The following CELF2 variants were observed in gnomAD, a reference collection of about 807,000 sequenced individuals.
CELF2 encodes CUGBP Elav-like family member 2.
In CELF2, 8 loss-of-function variants were observed where a neutral mutation model predicts 62.6. That is an observed-to-expected ratio of 0.13 (90% CI 0.07 to 0.23). CELF2 has a LOEUF of 0.23. Ranked by LOEUF, CELF2 falls within the 10% of genes least tolerant of loss-of-function variation. The probability of loss-of-function intolerance (pLI) is 1.00; values close to 1 mark genes in which losing one functional copy is unlikely to be tolerated. For missense variants in CELF2, 333 were observed against 671.0 expected, an observed-to-expected ratio of 0.50 and a Z score of 5.56; for synonymous variants, 258 against 250.0, an observed-to-expected ratio of 1.03 and a Z score of -0.30.
the CELF2 span, among the ~76,000 whole-genome samples, chr10:10,528,574 G>T: frequency 1.1e-4 from 17 of 152,176 alleles, no homozygotes; most frequent in Admixed American, 8.5e-4. Flanking sequence ...TGCCTGTAGT[G>T]CTGGCCTGCC....
At chr10:10,918,689 G>A (rs1197923012) in intron 1 of CELF2, among the ~76,000 whole-genome samples, 1 of 152,184 alleles carries the variant, frequency 6.6e-6, no homozygotes, top group African/African-American at 2.4e-5. Flanking sequence ...AACCAGGATT[G>A]ACACATTGGA....
At chr10:10,541,677 A>G in the CELF2 span, among the ~76,000 whole-genome samples, 5 of 152,196 alleles carry the variant, frequency 3.3e-5, no homozygotes, top group Non-Finnish European at 5.9e-5. Flanking sequence ...ATGCTAATGC[A>G]TTATAATTAG....
At chr10:10,567,153 T>G in the CELF2 span, among the ~76,000 whole-genome samples, 1 of 152,252 alleles carries the variant, frequency 6.6e-6, no homozygotes, top group South Asian at 2.1e-4. Context: ...ACAAATAGAT[T>G]CAGTGACTAA....
intron 2 of CELF2, among the ~76,000 whole-genome samples, chr10:11,199,877 G>T (rs1333003226): frequency 6.6e-6 from 1 of 152,180 alleles, no homozygotes; most frequent in Non-Finnish European, 1.5e-5. Context: ...AGGTAACCTG[G>T]AAGTGTCCTA....
At chr10:10,554,788 C>G in the CELF2 span, among the ~76,000 whole-genome samples, 8 of 152,290 alleles carry the variant, frequency 5.3e-5, no homozygotes, top group African/African-American at 1.9e-4. Flanking sequence ...ATACAGTTTT[C>G]AAATTCATTA....
chr10:10,704,528 T>C, the CELF2 span, among the ~76,000 whole-genome samples: 1 of 152,196 alleles, frequency 6.6e-6, no homozygotes, highest in Non-Finnish European at 1.5e-5. Context: ...TGAACAATAA[T>C]ATAATAATTA....
At chr10:10,838,715 C>T (rs1399940281) in intron 1 of CELF2, among the ~76,000 whole-genome samples, 1 of 152,138 alleles carries the variant, frequency 6.6e-6, no homozygotes, top group Non-Finnish European at 1.5e-5. Flanking sequence ...TTGACACATT[C>T]TCATGTGGGT....
At chr10:10,748,544 C>G in the CELF2 span, among the ~76,000 whole-genome samples, 3 of 151,720 alleles carry the variant, frequency 2.0e-5, no homozygotes, top group East Asian at 1.9e-4. Flanking sequence ...GTCAGGAGAT[C>G]GAGACCATCC....
intron 1 of CELF2, among the ~76,000 whole-genome samples, chr10:11,122,598 C>G (rs574592129): frequency 1.3e-5 from 2 of 152,188 alleles, no homozygotes; most frequent in Non-Finnish European, 2.9e-5. Context: ...GGCTTCCTCA[C>G]TTGATAAACG....
At chr10:10,547,338 T>C in the CELF2 span, among the ~76,000 whole-genome samples, 1 of 152,104 alleles carries the variant, frequency 6.6e-6, no homozygotes, top group Non-Finnish European at 1.5e-5. Flanking sequence ...ATGGCCTTAA[T>C]TGGTTCTACA....
chr10:11,334,089 G>GGTAA lies in CELF2; in HGVS notation c.*5039_*5042dup, dbSNP rs1255444101. 1 of 152,456 alleles carries GGTAA rather than the reference G, an allele frequency of 6.6e-6. No individual in the cohort carries two copies. The highest frequency in any genetic ancestry group is 6.6e-5 in the Admixed American group (1 of 15,266). The allele number at this position is 152,456 out of a possible 1,614,324, so 9.4% of individuals were successfully genotyped here. Reference sequence around the variant, plus strand: ...TAGAATTTTGTCTTAAAATAACAGCGGTAAGTTTCACTTTTTATTCTGTAT... The same window carrying GGTAA: ...TAGAATTTTGTCTTAAAATAACAGCGGTAAGTAAGTTTCACTTTTTATTCTGTAT... On this transcript the variant is annotated 3_prime_UTR_variant, in exon 13 of 13. Transcript: ENST00000633077.
At chr10:10,577,812 A>G in the CELF2 span, among the ~76,000 whole-genome samples, 9 of 152,188 alleles carry the variant, frequency 5.9e-5, no homozygotes. Context: ...TATTGCCACA[A>G]TAAACATACG....
intron 1 of CELF2, among the ~76,000 whole-genome samples, chr10:11,029,165 G>T (rs1425764300): frequency 6.6e-6 from 1 of 152,132 alleles, no homozygotes; most frequent in East Asian, 1.9e-4. Context: ...AGGAATTGGT[G>T]ATTTTTGCCT....
At chr10:10,479,267 C>T in the CELF2 span, among the ~76,000 whole-genome samples, 1 of 152,124 alleles carries the variant, frequency 6.6e-6, no homozygotes, top group African/African-American at 2.4e-5. Context: ...CTCTCAGATT[C>T]AAGTGATTCT....
rs923914403 is a variant in CELF2, at chr10:11,314,588, G to T, written c.1096+330G>T. The T allele has an allele frequency of 1.1e-5, 4 of 374,740 alleles. No homozygotes were observed. The highest frequency in any genetic ancestry group is 8.4e-5 in the African/African-American group (4 of 47,602). 23.2% of individuals were successfully genotyped at this position (374,740 alleles called of 1,614,324 possible). On this transcript the variant is annotated intron_variant, in intron 10 of 12. Transcript: ENST00000633077. This position sits in a 1 kb window ranked among gnomAD's most constrained non-coding sequence, Gnocchi z 5.3. ...GGTCGGTTCTGTCCTGCGAGGCAGG[G>T]TGTTACGGTGGGAAAAGTTAATGGA...
intron 2 of CELF2, among the ~76,000 whole-genome samples, chr10:11,213,194 G>A (rs762234109): frequency 2.0e-5 from 3 of 152,168 alleles, no homozygotes; most frequent in Non-Finnish European, 4.4e-5. Flanking sequence ...CCCCTCTGAT[G>A]CATGGTGCGA....
At chr10:10,915,131 TA>T (rs11358531) in intron 1 of CELF2, among the ~76,000 whole-genome samples, 107,789 of 135,898 alleles carry the variant, frequency 0.79, 41,346 homozygotes, top group East Asian at 0.93. Context: ...AACTTTATTT[TA>T]AAAAAAAAAA....
At chr10:10,486,352 C>T in the CELF2 span, among the ~76,000 whole-genome samples, 1 of 152,260 alleles carries the variant, frequency 6.6e-6, no homozygotes, top group African/African-American at 2.4e-5. Flanking sequence ...ATTTTAATAC[C>T]ATGATTTAAT....
intron 1 of CELF2, among the ~76,000 whole-genome samples, chr10:11,054,617 G>C (rs1357322199): frequency 6.6e-6 from 1 of 152,090 alleles, no homozygotes; most frequent in Non-Finnish European, 1.5e-5. Flanking sequence ...TCTGGTGGAC[G>C]TGTAGTCTGT....
Sources: allele counts gnomAD v4.1 joint callset (sites outside exome capture counted in the v4.1 genomes callset), GRCh38; gene constraint gnomAD v4.1.1; non-coding constraint Gnocchi (gnomAD v3.1); transcripts MANE v1.5; gene names NCBI Gene and HGNC (gene_info 2026-07-23, HGNC 2026-07-21).